Variants in CELF4 observed in about 807,000 individuals in gnomAD.
The protein encoded by CELF4 is CUGBP Elav-like family member 4, also known as CUG-BP- and ETR-3-like factor 4.
CELF4 carries 18 observed loss-of-function variants against 59.9 expected under a neutral mutation model. That is an observed-to-expected ratio of 0.30 (90% CI 0.21 to 0.45). The LOEUF is 0.45. CELF4 is among the 20% of genes least tolerant of loss of function. The probability of loss-of-function intolerance (pLI) is 1.00; values close to 1 mark genes in which losing one functional copy is unlikely to be tolerated. For synonymous variants in CELF4, 261 were observed against 267.1 expected, an observed-to-expected ratio of 0.98 and a Z score of 0.22; for missense variants, 456 against 689.0, an observed-to-expected ratio of 0.66 and a Z score of 3.79.
intron 2 of CELF4, among the ~76,000 whole-genome samples, chr18:37,483,314 T>TG (rs1400316653): frequency 4.6e-5 from 7 of 152,246 alleles, no homozygotes; most frequent in Non-Finnish European, 8.8e-5. Context: ...GTGGAGACAA[T>TG]GTGCCCTCGG....
At chr18:37,432,061 G>A (rs2099670491) in intron 2 of CELF4, among the ~76,000 whole-genome samples, 1 of 152,250 alleles carries the variant, frequency 6.6e-6, no homozygotes, top group African/African-American at 2.4e-5. Context: ...CCTGAGCTGG[G>A]AGGCTGTGAG....
intron 1 of CELF4, among the ~76,000 whole-genome samples, chr18:37,534,359 T>A (rs1453019703): frequency 6.6e-6 from 1 of 152,086 alleles, no homozygotes; most frequent in African/African-American, 2.4e-5. Flanking sequence ...TCCCTCTTCC[T>A]CTGGGTGGGG....
chr18:37,527,363 A>G (rs2099965074), intron 1 of CELF4, among the ~76,000 whole-genome samples: 1 of 152,042 alleles, frequency 6.6e-6, no homozygotes, highest in Non-Finnish European at 1.5e-5. Flanking sequence ...TATTCTTGGA[A>G]TAAACTGAAC....
chr18:37,514,483 C>G (rs1007752776), intron 1 of CELF4, among the ~76,000 whole-genome samples: 1 of 152,184 alleles, frequency 6.6e-6, no homozygotes, highest in South Asian at 2.1e-4. Flanking sequence ...GAGTTTCTTC[C>G]GAGAGCCTGG....
In CELF4 at chr18:37,254,010, C is replaced by T; in HGVS notation, c.1334-72G>A. ...CGGGGCGCTGCCGGCGGGGAGGGGT[C>T]GGGGGACAGGGGGGCGGGGCGGGCC... On this transcript the variant is annotated intron_variant, in intron 11 of 12. Coordinates refer to ENST00000420428, the MANE Select transcript of CELF4 (RefSeq NM_020180.4). The surrounding 1 kb of genome is among the most constrained non-coding windows in gnomAD (Gnocchi z 5.1). 2 of 156,960 alleles carry T rather than the reference C, an allele frequency of 1.3e-5. No homozygotes were observed. The highest frequency in any genetic ancestry group is 7.3e-5 in the South Asian group (1 of 13,626). The allele number at this position is 156,960 out of a possible 1,614,324, so 9.7% of individuals were successfully genotyped here.
intron 10 of CELF4, among the ~76,000 whole-genome samples, chr18:37,259,618 C>T (rs1348721680): frequency 6.6e-6 from 1 of 152,144 alleles, no homozygotes; most frequent in African/African-American, 2.4e-5. Context: ...ATAGGGAAGG[C>T]CCAGGAGATC....
chr18:37,521,332 C>T (rs1640426362), intron 1 of CELF4, among the ~76,000 whole-genome samples: 1 of 152,110 alleles, frequency 6.6e-6, no homozygotes, highest in African/African-American at 2.4e-5. Context: ...AATGGTCCCC[C>T]AGCCCTCCAC....
chr18:37,464,260 CA>C (rs1416853934), intron 2 of CELF4, among the ~76,000 whole-genome samples: 8 of 149,720 alleles, frequency 5.3e-5, no homozygotes, highest in Admixed American at 4.8e-4. Flanking sequence ...TGAAGGAAGG[CA>C]GGAAGGTTGG....
chr18:37,323,501 C>T lies in CELF4; in HGVS notation c.370-1620G>A, dbSNP rs78732310. ...TCTTTGAGGGAAAGATCCAGAAGGC[C>T]GCCCAGGCATCTGGCTATGGGAGAG... On this transcript the variant is annotated intron_variant, in intron 2 of 12. Transcript: ENST00000420428. Among the ~76,000 whole-genome samples, 1,415 of 152,256 alleles carry T rather than the reference C, an allele frequency of 9.3e-3. 20 individuals are homozygous for T. Among genetic ancestry groups the T allele is most frequent in the African/African-American group, 0.032 (1,339 of 41,560 alleles).
chr18:37,301,930 T>C (rs1463592281), intron 3 of CELF4, among the ~76,000 whole-genome samples: 1 of 152,112 alleles, frequency 6.6e-6, no homozygotes, highest in Admixed American at 6.5e-5. Context: ...CCCTTCCCCC[T>C]GCTCTACTGG....
intron 3 of CELF4, among the ~76,000 whole-genome samples, chr18:37,300,055 C>A (rs1479871060): frequency 6.6e-6 from 1 of 152,190 alleles, no homozygotes; most frequent in African/African-American, 2.4e-5. Context: ...ACTGCCCCCA[C>A]CCCATGCTTC....
chr18:37,322,257 G>A (rs1441961396), intron 2 of CELF4, among the ~76,000 whole-genome samples: 2 of 152,164 alleles, frequency 1.3e-5, no homozygotes, highest in East Asian at 1.9e-4. Context: ...GCTCAGCCCT[G>A]GTTCACTCAA....
chr18:37,256,456 C>G (rs1480866060), intron 11 of CELF4, among the ~76,000 whole-genome samples: 2 of 152,202 alleles, frequency 1.3e-5, no homozygotes, highest in African/African-American at 4.8e-5. Context: ...TAAGCTCCCT[C>G]ACAGCATCCC....
At chr18:37,297,829 T>G (rs138819248) in intron 3 of CELF4, among the ~76,000 whole-genome samples, 5 of 152,342 alleles carry the variant, frequency 3.3e-5, no homozygotes, top group African/African-American at 1.2e-4. Flanking sequence ...CTCGTTGTAA[T>G]CTCTGTGAGA....
In CELF4 at chr18:37,270,791, G is replaced by T. The variant is rs2090806601; in HGVS notation, c.1076C>A (p.Ala359Asp). The change falls in exon 8 of 13, where the codon GCC (alanine) becomes GAC (aspartate). Residue 359 changes from alanine (A) to aspartate (D), a missense_variant. This residue lies in a region of CELF4 where 256 missense variants were observed against 340.8 expected (regional missense o/e 0.75). Transcript: ENST00000420428. ...ACCTGGGTAGGGGTGGATGCCATTGGCGAACACAGCTTCCGCAGCAGGTTG... is the reference window on the plus strand; with the variant it reads ...ACCTGGGTAGGGGTGGATGCCATTGTCGAACACAGCTTCCGCAGCAGGTTG... Reference protein sequence around the residue: ...NGQPAAEAVFANGIHPYPAQS... With the variant: ...NGQPAAEAVFDNGIHPYPAQS... 1.9e-6 allele frequency: 3 copies of T among 1,614,010 alleles called. No homozygotes were observed. The highest frequency in any genetic ancestry group is 2.5e-6 in the Non-Finnish European group (3 of 1,179,990).
At chr18:37,353,826 G>T (rs376843072) in intron 2 of CELF4, among the ~76,000 whole-genome samples, 1 of 148,382 alleles carries the variant, frequency 6.7e-6, no homozygotes, top group Admixed American at 6.8e-5. Flanking sequence ...GCGTGATCTC[G>T]GCTCACTGCC....
intron 2 of CELF4, among the ~76,000 whole-genome samples, chr18:37,342,915 G>A (rs1435084891): frequency 1.3e-5 from 2 of 152,136 alleles, no homozygotes; most frequent in Middle Eastern, 3.2e-3. Context: ...TGTCCCTGGC[G>A]GTCCCCATGG....
intron 2 of CELF4, among the ~76,000 whole-genome samples, chr18:37,467,541 G>A (rs2099811993): frequency 1.3e-5 from 2 of 152,144 alleles, no homozygotes; most frequent in Non-Finnish European, 2.9e-5. Context: ...TGGCACAGAG[G>A]ATGGTATTGG....
At chr18:37,277,257 C>A (rs546213011) in intron 3 of CELF4, among the ~76,000 whole-genome samples, 1 of 152,308 alleles carries the variant, frequency 6.6e-6, no homozygotes, top group African/African-American at 2.4e-5. Flanking sequence ...ACCAGCTGTT[C>A]GTCAAAAAAC....
Sources: allele counts gnomAD v4.1 joint callset (sites outside exome capture counted in the v4.1 genomes callset), GRCh38; gene constraint gnomAD v4.1.1; regional missense constraint gnomAD v4.1.1; non-coding constraint Gnocchi (gnomAD v3.1); transcripts MANE v1.5; gene names NCBI Gene and HGNC (gene_info 2026-07-23, HGNC 2026-07-21).